Variants in PDE4D observed in about 807,000 individuals in gnomAD.
The protein encoded by PDE4D is phosphodiesterase 4D, also known as 3',5'-cyclic-AMP phosphodiesterase 4D.
A neutral mutation model predicts 87.4 loss-of-function variants in PDE4D; 24 were observed. The observed-to-expected ratio is 0.27, with a 90% CI of 0.20 to 0.39. PDE4D has a LOEUF of 0.39. PDE4D is among the 10% of genes least tolerant of loss of function. The pLI, the probability that PDE4D is intolerant of heterozygous loss-of-function variation, is 1.00. For missense variants in PDE4D, 714 were observed against 1,041.0 expected (o/e 0.69, Z 4.32); for synonymous variants, 384 against 383.2 (o/e 1.00, Z -0.02).
At chr5:59,337,337 C>CT (rs1232280356) in intron 1 of PDE4D, among the ~76,000 whole-genome samples, 5,249 of 132,924 alleles carry the variant, frequency 0.039, 361 homozygotes, top group African/African-American at 0.13. Context: ...CCCCCCCCAC[C>CT]TTTTTTTTTT....
chr5:59,762,759 A>G (rs1042067748), intron 1 of PDE4D, among the ~76,000 whole-genome samples: 1 of 147,130 alleles, frequency 6.8e-6, no homozygotes, highest in African/African-American at 2.5e-5. Context: ...AGGTACATAT[A>G]TGCATATATA....
chr5:59,320,891 CT>C (rs893893094), intron 1 of PDE4D, among the ~76,000 whole-genome samples: 50 of 152,130 alleles, frequency 3.3e-4, no homozygotes, highest in Non-Finnish European at 5.0e-4. Flanking sequence ...TTTGTTGAAG[CT>C]TTTTGTTGTT....
chr5:59,251,889 G>A (rs1354015975), intron 1 of PDE4D, among the ~76,000 whole-genome samples: 1 of 152,038 alleles, frequency 6.6e-6, no homozygotes, highest in Admixed American at 6.6e-5. Flanking sequence ...GATAGACCTG[G>A]AGGCTATTAT....
intron 1 of PDE4D, among the ~76,000 whole-genome samples, chr5:59,410,755 C>T (rs1474002521): frequency 1.3e-5 from 2 of 152,048 alleles, no homozygotes; most frequent in Non-Finnish European, 2.9e-5. Context: ...GTCGATGGGA[C>T]ACTTAGGTTG....
chr5:59,847,308 T>C (rs1362041695), intron 1 of PDE4D, among the ~76,000 whole-genome samples: 1 of 151,988 alleles, frequency 6.6e-6, no homozygotes, highest in Admixed American at 6.6e-5. Context: ...ACCTGCGGAG[T>C]AGGTCAACTC....
chr5:59,275,309 G>C (rs1429984396), intron 1 of PDE4D: 1 of 1,557,686 alleles, frequency 6.4e-7, no homozygotes, highest in African/African-American at 1.4e-5. Flanking sequence ...AAGAGAAAAG[G>C]GGAAAAGCAT....
intron 1 of PDE4D, among the ~76,000 whole-genome samples, chr5:59,829,084 C>T (rs761495469): frequency 6.6e-6 from 1 of 151,808 alleles, no homozygotes; most frequent in Non-Finnish European, 1.5e-5. Flanking sequence ...GATGGAATAA[C>T]CCAAAAGTAA....
At chr5:59,607,613 T>C (rs543271471) in intron 1 of PDE4D, among the ~76,000 whole-genome samples, 7 of 151,950 alleles carry the variant, frequency 4.6e-5, no homozygotes, top group African/African-American at 1.2e-4. Flanking sequence ...GGGAGGGCAA[T>C]GTTTTTCTTG....
At chr5:59,304,849 G>GTTTTCTTTTT (rs1378507063) in intron 1 of PDE4D, among the ~76,000 whole-genome samples, 1 of 152,042 alleles carries the variant, frequency 6.6e-6, no homozygotes, top group Non-Finnish European at 1.5e-5. Flanking sequence ...ATATTGATCT[G>GTTTTCTTTTT]TAGTTTTCTT....
intron 1 of PDE4D, among the ~76,000 whole-genome samples, chr5:59,551,571 G>A (rs987029210): frequency 1.4e-4 from 21 of 151,546 alleles, no homozygotes; most frequent in Admixed American, 2.0e-4. Flanking sequence ...TTGAGCCACC[G>A]TCCTAATTCT....
intron 1 of PDE4D, among the ~76,000 whole-genome samples, chr5:60,484,977 T>A (rs988933594): frequency 6.6e-6 from 1 of 152,140 alleles, no homozygotes; most frequent in African/African-American, 2.4e-5. Flanking sequence ...TTAGAAAACG[T>A]TTCATGGCCT....
chr5:59,170,929 T>G (rs1255772345), intron 5 of PDE4D, among the ~76,000 whole-genome samples: 1 of 151,430 alleles, frequency 6.6e-6, no homozygotes, highest in African/African-American at 2.4e-5. Context: ...TTGCCCAGGC[T>G]AGAGTGCAAT....
intron 1 of PDE4D, among the ~76,000 whole-genome samples, chr5:60,421,920 G>T (rs1178594871): frequency 6.6e-5 from 10 of 152,200 alleles, no homozygotes; most frequent in African/African-American, 9.6e-5. Context: ...TAGCCTGTTA[G>T]ATCAAGTCGA....
chr5:59,239,054 G>A (rs1189275726), intron 1 of PDE4D, among the ~76,000 whole-genome samples: 1 of 152,130 alleles, frequency 6.6e-6, no homozygotes, highest in East Asian at 1.9e-4. Context: ...ACATGGGAGA[G>A]GGATGACAGA....
intron 1 of PDE4D, among the ~76,000 whole-genome samples, chr5:59,483,385 T>C (rs1320597034): frequency 6.6e-6 from 1 of 152,200 alleles, no homozygotes; most frequent in Non-Finnish European, 1.5e-5. Context: ...GTATCTCACA[T>C]ATAAACTTGA....
At chr5:59,277,729 G>A (rs545365659) in intron 1 of PDE4D, among the ~76,000 whole-genome samples, 11 of 152,166 alleles carry the variant, frequency 7.2e-5, no homozygotes, top group East Asian at 1.9e-4. Flanking sequence ...GTGTTCTACC[G>A]TCCCCCAGAT....
At chr5:59,491,800 C>T (rs1006300004) in intron 1 of PDE4D, among the ~76,000 whole-genome samples, 2 of 152,122 alleles carry the variant, frequency 1.3e-5, no homozygotes, top group Admixed American at 6.5e-5. Context: ...CTCTTTATCG[C>T]TATACTCTTC....
chr5:60,344,254 G>A (rs72755112), intron 1 of PDE4D, among the ~76,000 whole-genome samples: 276 of 152,174 alleles, frequency 1.8e-3, no homozygotes, highest in Non-Finnish European at 3.2e-3. Context: ...CTTCTCCAAC[G>A]GACATAGCAA....
intron 1 of PDE4D, among the ~76,000 whole-genome samples, chr5:60,474,015 C>T (rs992353428): frequency 3.4e-5 from 5 of 148,600 alleles, no homozygotes; most frequent in African/African-American, 9.9e-5. Flanking sequence ...CAAGTCATCA[C>T]TCAGATCCAC....
Sources: gnomAD v4.1 joint callset for allele counts (sites outside exome capture counted in the v4.1 genomes callset) on GRCh38, gnomAD v4.1.1 for gene constraint, MANE v1.5 for transcripts, NCBI Gene and HGNC (gene_info 2026-07-23, HGNC 2026-07-21) for gene names.